Variants in RGS11 observed in about 807,000 individuals in gnomAD.
RGS11 encodes the protein regulator of G protein signaling 11.
RGS11 carries 86 observed loss-of-function variants against 71.1 expected under a neutral mutation model. The observed-to-expected ratio is 1.21, with a 90% CI of 1.02 to 1.45. The LOEUF is 1.45. Among genes scored for constraint, RGS11 ranks in the 40% most tolerant of loss-of-function variants. The pLI, the probability that RGS11 is intolerant of heterozygous loss-of-function variation, is 0.00. For synonymous variants in RGS11, 298 were observed against 254.2 expected (o/e 1.17, Z -1.64); for missense variants, 734 against 635.1 (o/e 1.16, Z -1.67).
At position 275,464 on chromosome 16, in the gene RGS11, T is replaced by C. The variant is rs748364381; in HGVS notation, c.98A>G (p.Asp33Gly). 8.8e-6 allele frequency: 14 copies of C among 1,591,996 alleles called. No individual in the cohort carries two copies. The highest frequency in any genetic ancestry group is 1.2e-5 in the Non-Finnish European group (14 of 1,176,452). The change falls in exon 2 of 17, where the codon GAC becomes GGC. Residue 33 changes from aspartate (D) to glycine (G), a missense_variant. Coordinates refer to ENST00000397770, the MANE Select transcript of RGS11 (RefSeq NM_183337.3). ...ERVVVSMQDP[D>G]QGVKMRSQRL... The stretch of plus-strand genomic sequence containing the variant: ...CTGGCTCCGCATCTTCACGCCCTGG[T>C]CGGGGTCCTGCATGCTCACGACCAC...
At position 269,125 on chromosome 16, in the gene RGS11, A is replaced by G; in HGVS notation, c.*144T>C. The G allele has an allele frequency of 1.1e-6, 1 of 897,548 alleles. No homozygotes were observed. The highest frequency in any genetic ancestry group is 1.8e-6 in the Non-Finnish European group (1 of 555,658). The allele number at this position is 897,548 out of a possible 1,614,324, so 55.6% of individuals were successfully genotyped here. A position where few individuals can be genotyped will look rare whatever the true frequency, so the allele number is the denominator to read the frequency against. On this transcript the variant is annotated 3_prime_UTR_variant, in exon 17 of 17. Coordinates refer to ENST00000397770, the MANE Select transcript of RGS11 (RefSeq NM_183337.3). ...TGGAGGGAGGGAGGCTGTGCACCCC[A>G]CAGAAGACTGGGCCCCCTGGGCACA... is the stretch of plus-strand genomic sequence containing the variant.
rs768299145 is a variant in RGS11 at position 271,085 on chromosome 16, G to A, written c.878C>T (p.Thr293Met). ...GCCCCATCTCTCCACACGGAGCTTC[G>A]TGGGGGCAGCCACCCTGGGGAGAGG... ...VMNAPTVAAP[T>M]KLRVERWGFS... The change falls in exon 13 of 17, where the codon ACG (threonine) becomes ATG (methionine). Residue 293 changes from threonine (T) to methionine (M), a missense_variant. Thr to Met is a moderately conservative substitution (Grantham distance 81). Transcript: ENST00000397770. The A allele has an allele frequency of 1.1e-5, 17 of 1,611,912 alleles. No homozygotes were observed. The Admixed American group carries it at 1.3e-4, about 13-fold the overall frequency.
At chr16:269,614 C>G in intron 15 of RGS11, 29 bp from the exon 16 acceptor site, 1 of 1,533,396 alleles carries the variant, frequency 6.5e-7, no homozygotes, top group Non-Finnish European at 9.0e-7. Flanking sequence ...AGCCCCTGAC[C>G]CTTCTGCCTC....
At chr16:274,688 C>T (rs1416960749) in intron 4 of RGS11, 13 of 675,216 alleles carry the variant, frequency 1.9e-5, no homozygotes, top group Non-Finnish European at 3.3e-5. Context: ...GCCTAGGGAC[C>T]CCCAGGAAGA....
chr16:275,077 G>C lies in RGS11; in HGVS notation c.217C>G (p.Leu73Val), dbSNP rs1223306244. Residue 73 changes from leucine to valine, a missense_variant, in exon 4 of 17, where the codon CTG (leucine) becomes GTG (valine). Transcript: ENST00000397770. ...QKFCVSEEEA[L>V]HLGAVLVQHG... ...TGCACCAGGACGGCGCCCAGGTGCA[G>C]GGCCTCTGGGGAGGGGTGGGACGGT... 2 of 1,477,750 alleles carry C rather than the reference G, an allele frequency of 1.4e-6. No homozygotes were observed. Among genetic ancestry groups the C allele is most frequent in the East Asian group, 2.5e-5 (1 of 40,686 alleles). The allele number at this position is 1,477,750 out of a possible 1,614,324, so 91.5% of individuals were successfully genotyped here.
chr16:273,661 TCCACGGTCCCAGGG>T, intron 7 of RGS11, 85 bp downstream of exon 7: 1 of 1,511,774 alleles, frequency 6.6e-7, no homozygotes. Flanking sequence ...AGGGGTGCCC[TCCACGGTCCCAGGG>T]CCACCGGAGC....
At position 275,351 on chromosome 16, in the gene RGS11, A is replaced by C. The variant is rs752141927; in HGVS notation, c.161-18T>G. The stretch of plus-strand genomic sequence containing the variant: ...GTCGCTGCCTGCACGGGAGAGACAG[A>C]GGTGGAGGGAGGCCGAGGCGCGCAC... On this transcript the variant is annotated intron_variant, in intron 2 of 16. Coordinates refer to ENST00000397770, the MANE Select transcript of RGS11 (RefSeq NM_183337.3). 6.2e-7 allele frequency: 1 copy of C among 1,611,708 alleles called. No individual in the cohort carries two copies. The highest frequency in any genetic ancestry group is 1.1e-5 in the South Asian group (1 of 91,066).
intron 1 of RGS11, 121 bp downstream of exon 1, chr16:275,726 TCG>T: frequency 2.5e-6 from 1 of 403,272 alleles, no homozygotes; most frequent in Non-Finnish European, 4.0e-6. Context: ...CCTCCCGGCC[TCG>T]CAGACCTCCG....
intron 3 of RGS11, 58 bp downstream of exon 3, chr16:275,225 C>A: frequency 6.2e-7 from 1 of 1,609,764 alleles, no homozygotes; most frequent in Non-Finnish European, 8.5e-7. Context: ...CCAGGAAAAC[C>A]CAGGCCTAGG....
intron 7 of RGS11, 41 bp downstream of exon 7, chr16:273,719 T>A: frequency 6.3e-7 from 1 of 1,591,078 alleles, no homozygotes; most frequent in South Asian, 1.1e-5. Context: ...GTAGCCTGGG[T>A]TGGGCGCCTG....
chr16:272,640 T>C, intron 9 of RGS11: 1 of 1,461,094 alleles, frequency 6.8e-7, no homozygotes, highest in Admixed American at 2.3e-5. Flanking sequence ...CCACTCCACT[T>C]ACCTGCACCC....
At chr16:270,372 G>T (rs772691552) in intron 15 of RGS11, 151 bp downstream of exon 15, 88 of 908,058 alleles carry the variant, frequency 9.7e-5, no homozygotes, top group Non-Finnish European at 1.3e-4. Context: ...CAGGAGAGCG[G>T]CCAGGGCGGC....
intron 9 of RGS11, chr16:272,127 C>T (rs1404970296): frequency 1.1e-5 from 13 of 1,135,032 alleles, no homozygotes; most frequent in Admixed American, 4.3e-5. Flanking sequence ...TGAGCCACCG[C>T]GCCCGGCCTA....
intron 14 of RGS11, 41 bp downstream of exon 14, chr16:270,703 C>T (rs769882584): frequency 4.3e-6 from 7 of 1,609,544 alleles, no homozygotes; most frequent in Non-Finnish European, 5.9e-6. Flanking sequence ...GCTGGGTGCA[C>T]CTGCCCGTTG....
chr16:271,716 A>T (rs950133583), intron 9 of RGS11, 147 bp from the exon 10 acceptor site: 8 of 721,162 alleles, frequency 1.1e-5, no homozygotes, highest in African/African-American at 3.5e-5. Flanking sequence ...CGCCCCTTGG[A>T]GCCCCTTCTT....
Position 270,500 on chromosome 16 carries a change from C to T in RGS11, c.1206+23G>A, listed in dbSNP as rs773547113. On this transcript the variant is annotated intron_variant, in intron 15 of 16. Coordinates refer to ENST00000397770, the MANE Select transcript of RGS11 (RefSeq NM_183337.3). ...CCGTCTGGGATGACCCCTCCTGCCCCTGCAGGCTGGCCCAGCACCCACCTT... is the reference window on the plus strand; with the variant it reads ...CCGTCTGGGATGACCCCTCCTGCCCTTGCAGGCTGGCCCAGCACCCACCTT... 1.9e-5 allele frequency: 30 copies of T among 1,587,300 alleles called. No homozygotes were observed. The South Asian group carries it at 2.5e-4, about 13-fold the overall frequency.
chr16:275,140 G>T, intron 3 of RGS11, 58 bp from the exon 4 acceptor site: 1 of 1,513,352 alleles, frequency 6.6e-7, no homozygotes. Flanking sequence ...GGCGGGACGA[G>T]CCGGGCCTCC....
chr16:270,203 C>T (rs140238858), intron 15 of RGS11, among the ~76,000 whole-genome samples: 1 of 151,798 alleles, frequency 6.6e-6, no homozygotes, highest in African/African-American at 2.4e-5. Context: ...GAGCCGAGAT[C>T]CCGCCACTGC....
rs893004589 is a variant in RGS11, at chr16:275,440, T to C, written c.122A>G (p.Gln41Arg). 2 of 1,599,694 alleles carry C rather than the reference T, an allele frequency of 1.3e-6. No individual in the cohort carries two copies. The highest frequency in any genetic ancestry group is 2.7e-5 in the African/African-American group (2 of 74,942). Residue 41 changes from glutamine (Q) to arginine (R), a missense_variant, in exon 2 of 17, where the codon CAG becomes CGG. Gln to Arg is a conservative substitution (Grantham distance 43). Transcript: ENST00000397770. ...DPDQGVKMRSQRLLVTVIPHA... is the reference protein window; with the variant it reads ...DPDQGVKMRSRRLLVTVIPHA... Reference sequence around the variant, plus strand: ...GGGAATGACGGTGACCAGCAGGCGCTGGCTCCGCATCTTCACGCCCTGGTC... The same window carrying C: ...GGGAATGACGGTGACCAGCAGGCGCCGGCTCCGCATCTTCACGCCCTGGTC...
Sources: allele counts gnomAD v4.1 joint callset (sites outside exome capture counted in the v4.1 genomes callset), GRCh38; gene constraint gnomAD v4.1.1; transcripts MANE v1.5; gene names NCBI Gene and HGNC (gene_info 2026-07-23, HGNC 2026-07-21).